METTL24: variants seen among roughly 807,000 people sequenced by gnomAD.
METTL24 encodes the protein probable methyltransferase-like protein 24.
Under a neutral mutation model 32.7 loss-of-function variants are expected in METTL24, and 29 were observed. The ratio of observed to expected loss-of-function variants is 0.89; its 90% CI spans 0.66 to 1.21. The LOEUF (loss-of-function observed/expected upper bound fraction) is 1.21, where lower values mean the gene tolerates loss of function less well. Among genes scored for constraint, METTL24 ranks in the 50% most tolerant of loss-of-function variants. The pLI, the probability that METTL24 is intolerant of heterozygous loss-of-function variation, is 0.00. For synonymous variants in METTL24, 163 were observed against 179.5 expected (o/e 0.91, Z 0.73); for missense variants, 439 against 468.1 (o/e 0.94, Z 0.57).
intron 4 of METTL24, among the ~76,000 whole-genome samples, chr6:110,281,794 G>A (rs1582399328): frequency 1.3e-5 from 2 of 152,200 alleles, no homozygotes; most frequent in Admixed American, 6.5e-5. Context: ...TACTTGATAT[G>A]TCCCCAAAAG....
chr6:110,306,211 C>T (rs962243336), intron 3 of METTL24, among the ~76,000 whole-genome samples: 10 of 151,938 alleles, frequency 6.6e-5, no homozygotes, highest in South Asian at 2.1e-4. Context: ...ATGTAGATGA[C>T]GGGTTGATGG....
intron 4 of METTL24, among the ~76,000 whole-genome samples, chr6:110,297,637 C>T (rs910603157): frequency 4.6e-5 from 7 of 151,974 alleles, no homozygotes; most frequent in South Asian, 2.1e-4. Flanking sequence ...ACAAAGGTAA[C>T]GAGTGGCAAA....
At chr6:110,336,591 T>C (rs1487224103) in intron 1 of METTL24, among the ~76,000 whole-genome samples, 1 of 151,904 alleles carries the variant, frequency 6.6e-6, no homozygotes, top group African/African-American at 2.4e-5. Flanking sequence ...ATACAAAAAA[T>C]TAGGCAGGCA....
At chr6:110,331,851 C>T (rs947066594) in intron 1 of METTL24, among the ~76,000 whole-genome samples, 1 of 152,114 alleles carries the variant, frequency 6.6e-6, no homozygotes, top group African/African-American at 2.4e-5. Context: ...TGAGCCTCTG[C>T]TAATCTTGTG....
At chr6:110,323,172 T>C (rs548702373) in intron 1 of METTL24, among the ~76,000 whole-genome samples, 4 of 152,300 alleles carry the variant, frequency 2.6e-5, no homozygotes, top group East Asian at 3.9e-4. Context: ...CTTGACCCCA[T>C]TGGGCTCTCC....
At chr6:110,306,858 T>C (rs1276602635) in intron 3 of METTL24, among the ~76,000 whole-genome samples, 1 of 152,180 alleles carries the variant, frequency 6.6e-6, no homozygotes, top group African/African-American at 2.4e-5. Flanking sequence ...GTGCTCTCTA[T>C]ATGCCACCTC....
chr6:110,334,599 T>C (rs1772175461), intron 1 of METTL24, among the ~76,000 whole-genome samples: 1 of 152,116 alleles, frequency 6.6e-6, no homozygotes, highest in Admixed American at 6.5e-5. Flanking sequence ...GCCCAGGGGT[T>C]GGGGGATGGG....
In METTL24 at chr6:110,302,550, T is replaced by C. The variant is rs1345196842; in HGVS notation, c.558-3400A>G. Among the ~76,000 whole-genome samples the C allele has an allele frequency of 4.4e-4, 48 of 108,426 alleles. 3 individuals carry two copies. The East Asian group carries it at 0.012, about 26-fold the overall frequency. 71.1% of individuals were successfully genotyped at this position (108,426 alleles called of 152,430 possible). On this transcript the variant is annotated intron_variant, in intron 3 of 4. Transcript: ENST00000338882. ...GTATATATACACATATACACACACA[T>C]ATGTGTATATATACACACATACACA...
At position 110,244,899 on chromosome 6, in the gene METTL24, G is replaced by A. The variant is rs1047893124; in HGVS notation, c.*1047C>T. Among the ~76,000 whole-genome samples the A allele has an allele frequency of 6.6e-6, 1 of 152,128 alleles. No individual in the cohort carries two copies. The highest frequency in any genetic ancestry group is 1.5e-5 in the Non-Finnish European group (1 of 68,032). ...TACTTCAGTGAGGAGAGCACAGACC[G>A]AAGGAGCCAGATGGAAACCAGAATA... On this transcript the variant is annotated 3_prime_UTR_variant, in exon 5 of 5. Transcript: ENST00000338882.
intron 2 of METTL24, among the ~76,000 whole-genome samples, chr6:110,318,528 C>T (rs974261518): frequency 6.6e-6 from 1 of 151,674 alleles, no homozygotes; most frequent in East Asian, 1.9e-4. Flanking sequence ...CTGGCATGTG[C>T]CTGTAATCCC....
intron 4 of METTL24, among the ~76,000 whole-genome samples, chr6:110,250,972 C>A (rs1778266982): frequency 6.6e-6 from 1 of 152,248 alleles, no homozygotes; most frequent in Non-Finnish European, 1.5e-5. Context: ...TTTAAGAGGG[C>A]TCTCAAGCAA....
chr6:110,340,006 C>A (rs762679497), intron 1 of METTL24, among the ~76,000 whole-genome samples: 1 of 152,194 alleles, frequency 6.6e-6, no homozygotes, highest in African/African-American at 2.4e-5. Flanking sequence ...TATGAATTTT[C>A]CCACCTTTAA....
chr6:110,268,266 CAG>C (rs1178506103), intron 4 of METTL24, among the ~76,000 whole-genome samples: 2 of 151,274 alleles, frequency 1.3e-5, no homozygotes, highest in African/African-American at 4.9e-5. Flanking sequence ...ACCTGAGATT[CAG>C]AGACATTAAA....
At chr6:110,322,921 T>A in intron 1 of METTL24, 49 bp from the exon 2 acceptor site, 1 of 1,474,028 alleles carries the variant, frequency 6.8e-7, no homozygotes, top group Non-Finnish European at 9.4e-7. Flanking sequence ...AGGAACTGGG[T>A]GGGAGGAGAA....
At chr6:110,339,393 T>C (rs1464549462) in intron 1 of METTL24, among the ~76,000 whole-genome samples, 2 of 152,204 alleles carry the variant, frequency 1.3e-5, no homozygotes. Context: ...AGAAAATGAG[T>C]TCTCTTTCCT....
At chr6:110,255,293 T>C (rs1178162492) in intron 4 of METTL24, among the ~76,000 whole-genome samples, 1 of 152,134 alleles carries the variant, frequency 6.6e-6, no homozygotes, top group Non-Finnish European at 1.5e-5. Context: ...TGGCCAGATA[T>C]GGAGCTTGAT....
intron 4 of METTL24, among the ~76,000 whole-genome samples, chr6:110,277,056 GT>G (rs1771060405): frequency 6.6e-6 from 1 of 152,034 alleles, no homozygotes; most frequent in African/African-American, 2.4e-5. Context: ...TATTTAAAAT[GT>G]TTTCCACCTA....
chr6:110,338,456 C>T (rs1252196187), intron 1 of METTL24, among the ~76,000 whole-genome samples: 1 of 152,116 alleles, frequency 6.6e-6, no homozygotes, highest in Non-Finnish European at 1.5e-5. Flanking sequence ...TGAGATCATG[C>T]CACTGTCCTC....
At chr6:110,346,262 A>G (rs1772470798) in intron 1 of METTL24, among the ~76,000 whole-genome samples, 1 of 152,200 alleles carries the variant, frequency 6.6e-6, no homozygotes, top group Non-Finnish European at 1.5e-5. Flanking sequence ...TTTCCTGAGA[A>G]CCTACTGTGT....
Sources: gnomAD v4.1 joint callset for allele counts (sites outside exome capture counted in the v4.1 genomes callset) on GRCh38, gnomAD v4.1.1 for gene constraint, MANE v1.5 for transcripts, NCBI Gene and HGNC (gene_info 2026-07-23, HGNC 2026-07-21) for gene names.